Variants in TUT7 observed in about 807,000 individuals in gnomAD.
TUT7 encodes the protein terminal uridylyltransferase 7.
Under a neutral mutation model 165.9 loss-of-function variants are expected in TUT7, and 33 were observed. The observed-to-expected ratio is 0.20, with a 90% confidence interval of 0.15 to 0.27. The LOEUF (loss-of-function observed/expected upper bound fraction) is 0.27, where lower values mean the gene tolerates loss of function less well. Ranked by LOEUF, TUT7 falls within the 10% of genes least tolerant of loss-of-function variation. The pLI is 1.00. For synonymous variants in TUT7, 552 were observed against 608.1 expected, an observed-to-expected ratio of 0.91 and a Z score of 1.36; for missense variants, 1,338 against 1,762.3, an observed-to-expected ratio of 0.76 and a Z score of 4.31.
rs149112010 is a variant in TUT7, at chr9:86,322,449, G to A, written c.2904C>T (p.Cys968=). ...CCTTCTTTAGATGACCCTCTCGTTTGCATAAGCTGCACACTACCGTAGGAG... is the reference window on the plus strand; with the variant it reads ...CCTTCTTTAGATGACCCTCTCGTTTACATAAGCTGCACACTACCGTAGGAG... ...GKSPTVVCSL[C]KREGHLKKDC... The change falls in exon 14 of 27, where the codon TGC becomes TGT. Residue 968 remains cysteine (C), a synonymous_variant. Transcript: ENST00000375963. 3 of 1,613,726 alleles carry A rather than the reference G, an allele frequency of 1.9e-6. No individual in the cohort carries two copies. The African/African-American group carries it at 4.0e-5, about 22-fold the overall frequency.
chr9:86,346,725 T>C (rs1406668405), intron 2 of TUT7, among the ~76,000 whole-genome samples: 3 of 152,204 alleles, frequency 2.0e-5, no homozygotes, highest in Admixed American at 1.3e-4. Context: ...ACTTCAATCA[T>C]ACAATTTGAT....
intron 2 of TUT7, among the ~76,000 whole-genome samples, chr9:86,347,489 G>A (rs1022187189): frequency 1.3e-5 from 2 of 152,038 alleles, no homozygotes; most frequent in Non-Finnish European, 2.9e-5. Context: ...GTTTTCAGAG[G>A]AACTCATTAC....
chr9:86,308,403 G>A (rs781236021), intron 22 of TUT7, 26 bp downstream of exon 22: 90 of 1,594,210 alleles, frequency 5.6e-5, no homozygotes, highest in Middle Eastern at 1.7e-4. Context: ...TAGTCTATTC[G>A]ACTTCAAGTT....
chr9:86,308,284 A>G (rs1274334652), intron 22 of TUT7, 145 bp downstream of exon 22: 2 of 611,546 alleles, frequency 3.3e-6, no homozygotes, highest in Non-Finnish European at 5.1e-6. Context: ...AAGGCTGGAA[A>G]GAGAAAAGTT....
rs1273848344 is a variant in TUT7, at chr9:86,352,940, G to A, written c.260C>T (p.Pro87Leu). The change falls in exon 2 of 27, where the codon CCC becomes CTC. Residue 87 changes from proline to leucine, a missense_variant. Coordinates refer to ENST00000375963, the MANE Select transcript of TUT7 (RefSeq NM_024617.4). The part of the protein sequence containing the change: ...YAFKNPIYSQ[P>L]AWMNDSHKDQ... The stretch of plus-strand genomic sequence containing the variant: ...TTTGTGGCTGTCATTCATCCAAGCG[G>A]GTTGACTGTAGATTGGGTTTTTAAA... The A allele has an allele frequency of 3.1e-6, 5 of 1,614,194 alleles. 1 individual carries two copies. In the South Asian group the frequency reaches 5.5e-5, roughly 18 times the overall value.
chr9:86,322,427 T>C lies in TUT7; in HGVS notation c.2926A>G (p.Lys976Glu), dbSNP rs752923002. The change falls in exon 14 of 27, where the codon AAG becomes GAG. Residue 976 changes from lysine to glutamate, a missense_variant. Physicochemically the swap from Lys to Glu is moderately conservative, Grantham distance 56 (BLOSUM62 1). Coordinates refer to ENST00000375963, the MANE Select transcript of TUT7 (RefSeq NM_024617.4). ...SLCKREGHLK[K>E]DCPEDFKRIQ... Reference sequence around the variant, plus strand: ...CTTTTGAAGTCTTCAGGACAGTCCTTCTTTAGATGACCCTCTCGTTTGCAT... The same window carrying C: ...CTTTTGAAGTCTTCAGGACAGTCCTCCTTTAGATGACCCTCTCGTTTGCAT... 2 of 1,614,088 alleles carry C rather than the reference T, an allele frequency of 1.2e-6. No homozygotes were observed. Among genetic ancestry groups the C allele is most frequent in the South Asian group, 1.1e-5 (1 of 91,080 alleles).
At chr9:86,330,637 G>C (rs529056637) in intron 10 of TUT7, among the ~76,000 whole-genome samples, 2 of 152,224 alleles carry the variant, frequency 1.3e-5, no homozygotes, top group Admixed American at 6.5e-5. Context: ...ATTGATTTTA[G>C]TATGTTAAGA....
At chr9:86,309,725 G>A (rs1827848777) in intron 19 of TUT7, 149 bp from the exon 20 acceptor site, 2 of 871,220 alleles carry the variant, frequency 2.3e-6, no homozygotes, top group South Asian at 3.2e-5. Flanking sequence ...ACCTAGCAAA[G>A]CAGTGGACAG....
At chr9:86,301,728 A>G in intron 25 of TUT7, 127 bp from the exon 26 acceptor site, 1 of 1,475,246 alleles carries the variant, frequency 6.8e-7, no homozygotes, top group Non-Finnish European at 8.9e-7. Context: ...TATTAAAAGG[A>G]AAAGCAAGAA....
intron 22 of TUT7, among the ~76,000 whole-genome samples, chr9:86,307,562 TA>T (rs540586827): frequency 4.9e-4 from 74 of 152,280 alleles, no homozygotes; most frequent in African/African-American, 1.6e-3. Context: ...TTATTAAAAT[TA>T]AAAAAATATT....
chr9:86,334,052 T>C (rs1246083295), intron 10 of TUT7, among the ~76,000 whole-genome samples: 1 of 152,192 alleles, frequency 6.6e-6, no homozygotes, highest in Non-Finnish European at 1.5e-5. Flanking sequence ...TTAGTGAGCT[T>C]GTGCCCCTAG....
chr9:86,336,116 A>G (rs1830751898), intron 10 of TUT7, among the ~76,000 whole-genome samples: 1 of 152,192 alleles, frequency 6.6e-6, no homozygotes. Context: ...GATCTCATTC[A>G]GTAAGATGGT....
At chr9:86,339,915 C>T (rs1307716230) in intron 8 of TUT7, 121 bp downstream of exon 8, 4 of 735,500 alleles carry the variant, frequency 5.4e-6, no homozygotes, top group Middle Eastern at 2.4e-4. Context: ...TTAGTAGGAA[C>T]CATGTGTGAT....
At chr9:86,324,100 A>C in intron 12 of TUT7, 140 bp from the exon 13 acceptor site, 1 of 798,012 alleles carries the variant, frequency 1.3e-6, no homozygotes, top group Non-Finnish European at 1.8e-6. Flanking sequence ...AGACTTAAAA[A>C]AAAACTGGGG....
At chr9:86,295,225 A>G (rs1475727996) in intron 26 of TUT7, among the ~76,000 whole-genome samples, 2 of 152,226 alleles carry the variant, frequency 1.3e-5, no homozygotes, top group Admixed American at 6.5e-5. Flanking sequence ...TTTGCCTGTT[A>G]AAGAAGAGCT....
intron 22 of TUT7, among the ~76,000 whole-genome samples, chr9:86,306,669 T>C (rs1478508551): frequency 6.6e-6 from 1 of 151,986 alleles, no homozygotes; most frequent in Non-Finnish European, 1.5e-5. Flanking sequence ...TAGCCAGGCT[T>C]GGTGGTGTGT....
chr9:86,352,569 ACT>A, intron 2 of TUT7, 109 bp downstream of exon 2: 1 of 1,270,380 alleles, frequency 7.9e-7, no homozygotes, highest in Non-Finnish European at 1.1e-6. Context: ...TAAAACAGAA[ACT>A]GTGAAAAACT....
At chr9:86,322,216 A>C (rs1829370613) in intron 14 of TUT7, 109 bp downstream of exon 14, 1 of 964,110 alleles carries the variant, frequency 1.0e-6, no homozygotes, top group Non-Finnish European at 1.6e-6. Flanking sequence ...AATGGAATAG[A>C]CTTGGTCCCT....
In TUT7 at chr9:86,340,167, C is replaced by T. The variant is rs878899256; in HGVS notation, c.1139-62G>A. 5 of 1,389,554 alleles carry T rather than the reference C, an allele frequency of 3.6e-6. No homozygotes were observed. In the South Asian group the frequency reaches 5.8e-5, roughly 16 times the overall value. 86.1% of individuals were successfully genotyped at this position (1,389,554 alleles called of 1,614,324 possible). On this transcript the variant is annotated intron_variant, in intron 7 of 26. Coordinates refer to ENST00000375963, the MANE Select transcript of TUT7 (RefSeq NM_024617.4). ...TTAAAGCTTTGTTTAAAAGCAGAACCAGATAAAGTACAAGTACCAGTTGTC... is the reference window on the plus strand; with the variant it reads ...TTAAAGCTTTGTTTAAAAGCAGAACTAGATAAAGTACAAGTACCAGTTGTC...
Sources: gnomAD v4.1 joint callset for allele counts (sites outside exome capture counted in the v4.1 genomes callset) on GRCh38, gnomAD v4.1.1 for gene constraint, MANE v1.5 for transcripts, NCBI Gene and HGNC (gene_info 2026-07-23, HGNC 2026-07-21) for gene names.